The following SNX29 variants were observed in gnomAD, a reference collection of about 807,000 sequenced individuals.
The protein encoded by SNX29 is sorting nexin-29.
SNX29 carries 78 observed loss-of-function variants against 102.1 expected under a neutral mutation model. The observed-to-expected ratio is 0.76, with a 90% CI of 0.64 to 0.92. SNX29 has a LOEUF of 0.92. SNX29 is among the 40% of genes least tolerant of loss of function. The pLI is 0.00. For synonymous variants in SNX29, 580 were observed against 414.5 expected (o/e 1.40, Z -4.85); for missense variants, 1,280 against 1,061.7 (o/e 1.21, Z -2.86).
intron 18 of SNX29, among the ~76,000 whole-genome samples, chr16:12,408,353 GCA>G (rs997898708): frequency 7.8e-4 from 119 of 152,346 alleles, no homozygotes; most frequent in African/African-American, 2.7e-3. Context: ...CCACTGTGGT[GCA>G]CACATTATCC....
intron 11 of SNX29, 30 bp downstream of exon 11, chr16:12,078,945 C>A: frequency 1.9e-6 from 3 of 1,560,016 alleles, no homozygotes; most frequent in African/African-American, 2.7e-5. Context: ...CCTCCACCAG[C>A]TCTGGGATGA....
intron 14 of SNX29, among the ~76,000 whole-genome samples, chr16:12,212,614 G>A (rs1271939809): frequency 6.6e-6 from 1 of 152,158 alleles, no homozygotes; most frequent in Non-Finnish European, 1.5e-5. Flanking sequence ...TTTTATATAT[G>A]TTTGTAGGCC....
At chr16:12,492,442 A>T (rs1267671807) in intron 19 of SNX29, among the ~76,000 whole-genome samples, 1 of 152,152 alleles carries the variant, frequency 6.6e-6, no homozygotes, top group African/African-American at 2.4e-5. Flanking sequence ...CCTTTGTCAG[A>T]TGAGTAGGTT....
intron 19 of SNX29, among the ~76,000 whole-genome samples, chr16:12,522,816 G>A (rs979333000): frequency 6.6e-6 from 1 of 152,142 alleles, no homozygotes; most frequent in Admixed American, 6.5e-5. Context: ...ATAGCAGTGT[G>A]AGAATGGACT....
At chr16:12,053,088 C>G (rs907135579) in intron 8 of SNX29, 1 of 151,830 alleles carries the variant, frequency 6.6e-6, no homozygotes, top group Non-Finnish European at 1.5e-5. Context: ...GTCAGGAGTT[C>G]TAGACCAGCC....
intron 14 of SNX29, among the ~76,000 whole-genome samples, chr16:12,261,623 T>C (rs1357403648): frequency 2.4e-5 from 3 of 122,842 alleles, no homozygotes; most frequent in African/African-American, 6.2e-5. Context: ...GGTCTGTGCA[T>C]GCGTCCCCGG....
intron 16 of SNX29, among the ~76,000 whole-genome samples, chr16:12,361,662 A>C (rs1006196911): frequency 6.6e-6 from 1 of 152,182 alleles, no homozygotes; most frequent in African/African-American, 2.4e-5. Flanking sequence ...TTAAAAAATT[A>C]AATTTTTGGT....
intron 11 of SNX29, among the ~76,000 whole-genome samples, chr16:12,102,849 C>T (rs1348667930): frequency 6.6e-6 from 1 of 152,166 alleles, no homozygotes; most frequent in Non-Finnish European, 1.5e-5. Context: ...AGCTGATAAG[C>T]AACTTCAGTA....
intron 14 of SNX29, among the ~76,000 whole-genome samples, chr16:12,262,090 G>A (rs1382363199): frequency 6.7e-6 from 1 of 149,474 alleles, no homozygotes; most frequent in Non-Finnish European, 1.5e-5. Flanking sequence ...GCGCGTCCCC[G>A]GCTGAAGTAA....
intron 19 of SNX29, among the ~76,000 whole-genome samples, chr16:12,504,250 A>G (rs917125143): frequency 6.6e-5 from 10 of 152,218 alleles, no homozygotes; most frequent in Non-Finnish European, 1.5e-4. Context: ...TTTAAAAGAT[A>G]TAATTCATGT....
chr16:12,562,055 G>A (rs5018324), intron 20 of SNX29, among the ~76,000 whole-genome samples: 145,432 of 152,170 alleles, frequency 0.96, 69,649 homozygotes, highest in Middle Eastern at 0.99. Flanking sequence ...CATCTGTGCC[G>A]TTTTCCTTCC....
At chr16:12,065,668 T>G (rs1287833393) in intron 9 of SNX29, among the ~76,000 whole-genome samples, 1 of 152,200 alleles carries the variant, frequency 6.6e-6, no homozygotes, top group East Asian at 1.9e-4. Flanking sequence ...TTTTACTGTT[T>G]TGGTTGTCAG....
At chr16:12,418,017 GT>G (rs946091198) in intron 18 of SNX29, among the ~76,000 whole-genome samples, 16 of 152,254 alleles carry the variant, frequency 1.1e-4, no homozygotes, top group African/African-American at 3.6e-4. Flanking sequence ...CGCAGGGCAC[GT>G]TTTTCTCTGG....
intron 20 of SNX29, among the ~76,000 whole-genome samples, chr16:12,565,130 T>G (rs530603048): frequency 7.3e-6 from 1 of 137,438 alleles, no homozygotes; most frequent in East Asian, 2.5e-4. Context: ...CTTATCCACA[T>G]TAGCCCCCAC....
At position 12,571,797 on chromosome 16, in the gene SNX29, T is replaced by A. The variant is rs2079193304; in HGVS notation, c.*3168T>A. 9.8e-7 allele frequency: 1 copy of A among 1,015,520 alleles called. No individual in the cohort carries two copies. Among genetic ancestry groups the A allele is most frequent in the Non-Finnish European group, 1.2e-6 (1 of 835,150 alleles). The allele number at this position is 1,015,520 out of a possible 1,614,324, so 62.9% of individuals were successfully genotyped here. The stretch of plus-strand genomic sequence containing the variant: ...ACCTTCTCCGCCACTCTTCCTGCAA[T>A]CAGTGTGAAATTCCAGCTTCTTTGA... On this transcript the variant is annotated 3_prime_UTR_variant, in exon 21 of 21. Transcript: ENST00000566228.
chr16:11,980,531 A>C (rs951144436), intron 1 of SNX29, among the ~76,000 whole-genome samples: 1 of 152,272 alleles, frequency 6.6e-6, no homozygotes, highest in African/African-American at 2.4e-5. Context: ...CATGTTTGTA[A>C]GAGTGGAATT....
intron 12 of SNX29, among the ~76,000 whole-genome samples, chr16:12,128,502 G>C (rs1341058350): frequency 6.7e-6 from 1 of 148,766 alleles, no homozygotes; most frequent in Non-Finnish European, 1.5e-5. Flanking sequence ...TCCCAGGCTG[G>C]AGTGCAGTGG....
In SNX29 at chr16:12,164,476, C is replaced by T. The variant is rs80065065; in HGVS notation, c.1595+34718C>T. Among the ~76,000 whole-genome samples, 1,396 of 152,148 alleles carry T rather than the reference C, an allele frequency of 9.2e-3. 8 individuals are homozygous for T. The highest frequency in any genetic ancestry group is 0.015 in the Non-Finnish European group (1,018 of 68,012). On this transcript the variant is annotated intron_variant, in intron 13 of 20. Transcript: ENST00000566228. ...CAACTGCTACATTTTTGCCCCTGGC[C>T]TAGCATTACAACCTTGAGAAGATTG...
intron 20 of SNX29, among the ~76,000 whole-genome samples, chr16:12,531,246 C>G (rs769894089): frequency 3.9e-5 from 6 of 152,230 alleles, no homozygotes; most frequent in Non-Finnish European, 8.8e-5. Flanking sequence ...GAACAGGGCA[C>G]TTGGCCCTAT....
Sources: allele counts gnomAD v4.1 joint callset (sites outside exome capture counted in the v4.1 genomes callset), GRCh38; gene constraint gnomAD v4.1.1; transcripts MANE v1.5; gene names NCBI Gene and HGNC (gene_info 2026-07-23, HGNC 2026-07-21).